DPY19L2: variants seen among roughly 807,000 people sequenced by gnomAD.
DPY19L2 encodes dpy-19 like 2.
A neutral mutation model predicts 97.9 loss-of-function variants in DPY19L2; 34 were observed. The ratio of observed to expected loss-of-function variants is 0.35; its 90% CI spans 0.26 to 0.46. The LOEUF (loss-of-function observed/expected upper bound fraction) is 0.46. Among genes scored for constraint, DPY19L2 ranks in the 20% least tolerant of loss-of-function variants. The pLI, the probability that DPY19L2 is intolerant of heterozygous loss-of-function variation, is 1.00. For synonymous variants in DPY19L2, 230 were observed against 307.9 expected (o/e 0.75, Z 2.65); for missense variants, 623 against 911.4 (o/e 0.68, Z 4.07).
At chr12:63,630,289 A>G (rs562851791) in intron 6 of DPY19L2, among the ~76,000 whole-genome samples, 136 of 152,270 alleles carry the variant, frequency 8.9e-4, no homozygotes, top group African/African-American at 3.0e-3. Flanking sequence ...ATCAAGAGTC[A>G]AGACCCATCA....
intron 12 of DPY19L2, among the ~76,000 whole-genome samples, chr12:63,603,403 G>C (rs1483894810): frequency 2.0e-5 from 3 of 152,142 alleles, no homozygotes; most frequent in Non-Finnish European, 4.4e-5. Flanking sequence ...ACATGTGCAG[G>C]ATATGCATGT....
chr12:63,582,581 A>G, intron 17 of DPY19L2, 56 bp from the exon 18 acceptor site: 2 of 1,525,752 alleles, frequency 1.3e-6, no homozygotes, highest in Non-Finnish European at 8.9e-7. Context: ...TTTTAAATTA[A>G]TGAAGTATAT....
chr12:63,587,594 G>A (rs1592450605), intron 16 of DPY19L2, among the ~76,000 whole-genome samples: 1 of 60,208 alleles, frequency 1.7e-5, no homozygotes, highest in Admixed American at 1.6e-4. Context: ...TATTATTATT[G>A]AGACAGAGCC....
At chr12:63,656,738 T>C (rs924606525) in intron 4 of DPY19L2, among the ~76,000 whole-genome samples, 13 of 152,146 alleles carry the variant, frequency 8.5e-5, no homozygotes, top group African/African-American at 2.9e-4. Context: ...ATTTCCTTCC[T>C]CCACTTTTTT....
At chr12:63,609,423 T>C (rs1208949423) in intron 11 of DPY19L2, among the ~76,000 whole-genome samples, 1 of 152,086 alleles carries the variant, frequency 6.6e-6, no homozygotes, top group African/African-American at 2.4e-5. Flanking sequence ...GGTGGGCCTC[T>C]AGGAAGTAAT....
rs572789691 is a variant in DPY19L2, at chr12:63,660,062, G to A, written c.588+1282C>T. On this transcript the variant is annotated intron_variant, in intron 4 of 21. Coordinates refer to ENST00000324472, the MANE Select transcript of DPY19L2 (RefSeq NM_173812.5). Reference sequence around the variant, plus strand: ...ACAATTCAAAATCTAATAAGGATATGAGAAAATTCTAGACAGCAGTGTGAA... The same window carrying A: ...ACAATTCAAAATCTAATAAGGATATAAGAAAATTCTAGACAGCAGTGTGAA... 5.8e-3 allele frequency among the ~76,000 whole-genome samples: 888 copies of A among 152,236 alleles called. 9 individuals are homozygous for A. The highest frequency in any genetic ancestry group is 0.02 in the African/African-American group (840 of 41,552).
intron 4 of DPY19L2, among the ~76,000 whole-genome samples, chr12:63,654,330 T>C (rs1894673814): frequency 6.6e-6 from 1 of 152,122 alleles, no homozygotes; most frequent in Admixed American, 6.5e-5. Context: ...TGTAAAGTGA[T>C]ATATTGAAAA....
At chr12:63,585,076 T>C (rs1437397346) in intron 16 of DPY19L2, among the ~76,000 whole-genome samples, 1 of 151,998 alleles carries the variant, frequency 6.6e-6, no homozygotes, top group African/African-American at 2.4e-5. Context: ...AAGCATCCAC[T>C]GGGGGTCTTG....
At chr12:63,597,761 G>A (rs763183357) in intron 14 of DPY19L2, 48 bp downstream of exon 14, 52 of 1,529,370 alleles carry the variant, frequency 3.4e-5, no homozygotes, top group Non-Finnish European at 4.5e-5. Context: ...AAAAAACCTA[G>A]AGCAAAAAAC....
intron 6 of DPY19L2, among the ~76,000 whole-genome samples, chr12:63,630,401 G>C (rs1277308169): frequency 6.6e-6 from 1 of 152,014 alleles, no homozygotes; most frequent in East Asian, 1.9e-4. Flanking sequence ...AACAAAAAAA[G>C]GCAGGGGTTG....
In DPY19L2 at chr12:63,580,828, G is replaced by A. The variant is rs917533776; in HGVS notation, c.1734C>T (p.Gly578=). 6.2e-7 allele frequency: 1 copy of A among 1,611,534 alleles called. No homozygotes were observed. The highest frequency in any genetic ancestry group is 8.5e-7 in the Non-Finnish European group (1 of 1,179,088). The change falls in exon 19 of 22, where the codon GGC becomes GGT. Residue 578 remains glycine (G), a synonymous_variant. Transcript: ENST00000324472. ...ASLICSRQLF[G]WLFRRVRFEK... ...CAAAACGAACTCTGCGAAAAAGCCA[G>A]CCAAAGAGCTGAAACGAAAGAAACC... is the stretch of plus-strand genomic sequence containing the variant.
chr12:63,570,861 A>G lies in DPY19L2; in HGVS notation c.1901-4T>C. 1.7e-6 allele frequency: 1 copy of G among 582,836 alleles called. No homozygotes were observed. Among genetic ancestry groups the G allele is most frequent in the African/African-American group, 2.8e-5 (1 of 35,944 alleles). 36.1% of individuals were successfully genotyped at this position (582,836 alleles called of 1,614,324 possible). On this transcript the variant is annotated splice_region_variant and splice_polypyrimidine_tract_variant and intron_variant, in intron 19 of 21. Coordinates refer to ENST00000324472, the MANE Select transcript of DPY19L2 (RefSeq NM_173812.5). ...ATGGCACCTGCAAAGACAGCATCTG[A>G]AAAAAAAAAAAGGATATATTCTTCA...
chr12:63,601,006 T>G (rs1019744070), intron 12 of DPY19L2, among the ~76,000 whole-genome samples: 4 of 152,020 alleles, frequency 2.6e-5, no homozygotes, highest in African/African-American at 7.2e-5. Context: ...AGGATGGTCT[T>G]GATCTCCTGA....
chr12:63,652,126 A>G (rs111845466), intron 4 of DPY19L2, among the ~76,000 whole-genome samples: 6,690 of 152,252 alleles, frequency 0.044, 166 homozygotes, highest in Non-Finnish European at 0.047. Flanking sequence ...TAGGTGAAGG[A>G]CATAAACACA....
At chr12:63,588,910 T>C (rs1294414061) in intron 16 of DPY19L2, among the ~76,000 whole-genome samples, 8 of 151,942 alleles carry the variant, frequency 5.3e-5, no homozygotes, top group Middle Eastern at 6.8e-3. Flanking sequence ...CCCACCACGA[T>C]GCCCAGCTAA....
intron 19 of DPY19L2, among the ~76,000 whole-genome samples, chr12:63,576,227 T>G (rs1431095078): frequency 2.0e-5 from 3 of 151,936 alleles, no homozygotes; most frequent in African/African-American, 7.2e-5. Context: ...GGAAAATCAT[T>G]TGGTAAAATT....
At chr12:63,635,991 T>A (rs1321534842) in intron 6 of DPY19L2, among the ~76,000 whole-genome samples, 1 of 151,394 alleles carries the variant, frequency 6.6e-6, no homozygotes, top group Non-Finnish European at 1.5e-5. Context: ...TTCACCAAAG[T>A]GGAAATGCAG....
chr12:63,605,490 A>T (rs1201439977), intron 12 of DPY19L2, among the ~76,000 whole-genome samples: 1 of 152,102 alleles, frequency 6.6e-6, no homozygotes, highest in Non-Finnish European at 1.5e-5. Context: ...TTAGGCTGGG[A>T]TTGGAGCTAT....
At chr12:63,635,802 T>C (rs1234418670) in intron 6 of DPY19L2, among the ~76,000 whole-genome samples, 1 of 152,128 alleles carries the variant, frequency 6.6e-6, no homozygotes, top group Non-Finnish European at 1.5e-5. Context: ...CTACGGCTGA[T>C]CGGTGTACCT....
Sources: gnomAD v4.1 joint callset for allele counts (sites outside exome capture counted in the v4.1 genomes callset) on GRCh38, gnomAD v4.1.1 for gene constraint, MANE v1.5 for transcripts, NCBI Gene and HGNC (gene_info 2026-07-23, HGNC 2026-07-21) for gene names.